The following HMGXB3 variants were observed in gnomAD, a reference collection of about 807,000 sequenced individuals.
HMGXB3 encodes HMG domain-containing protein 3.
HMGXB3 carries 45 observed loss-of-function variants against 121.5 expected under a neutral mutation model. That is an observed-to-expected ratio of 0.37 (90% CI 0.29 to 0.47). HMGXB3 has a LOEUF of 0.47. Among genes scored for constraint, HMGXB3 ranks in the 20% least tolerant of loss-of-function variants. HMGXB3 has a pLI of 0.99. For synonymous variants in HMGXB3, 590 were observed against 624.1 expected, an observed-to-expected ratio of 0.95 and a Z score of 0.81; for missense variants, 1,376 against 1,602.2, an observed-to-expected ratio of 0.86 and a Z score of 2.41.
chr5:150,047,458 C>A, intron 16 of HMGXB3, 166 bp from the exon 17 acceptor site: 1 of 725,762 alleles, frequency 1.4e-6, no homozygotes, highest in Non-Finnish European at 2.2e-6. Context: ...TAATAGACTT[C>A]AAATATCTGC....
intron 8 of HMGXB3, 58 bp downstream of exon 8, chr5:150,026,939 T>TG (rs1321781660): frequency 8.6e-6 from 13 of 1,519,654 alleles, no homozygotes; most frequent in Non-Finnish European, 9.7e-6. Flanking sequence ...GGGACAGGAG[T>TG]GGGGGGTTGA....
intron 1 of HMGXB3, among the ~76,000 whole-genome samples, chr5:150,003,837 C>G (rs1461102086): frequency 2.0e-5 from 3 of 151,496 alleles, no homozygotes; most frequent in Non-Finnish European, 4.4e-5. Flanking sequence ...CACCTGTAGT[C>G]CCAGCTACTC....
chr5:150,041,989 C>T lies in HMGXB3; in HGVS notation c.2730+20C>T, dbSNP rs745924096. 55 of 1,540,508 alleles carry T rather than the reference C, an allele frequency of 3.6e-5. 1 individual carries two copies. The East Asian group carries it at 4.7e-4, about 13-fold the overall frequency. ...GTGGAGGTAAGTGCCTCTTAGCCAC[C>T]GTGAGGGACCTGCGGAATTTTCTCA... On this transcript the variant is annotated intron_variant, in intron 15 of 19. Transcript: ENST00000502717.
At chr5:150,011,187 T>C (rs1240953024) in intron 4 of HMGXB3, among the ~76,000 whole-genome samples, 1 of 152,086 alleles carries the variant, frequency 6.6e-6, no homozygotes, top group Non-Finnish European at 1.5e-5. Context: ...TCAGATGGGG[T>C]AGGAAGAAAA....
chr5:150,045,700 T>A lies in HMGXB3; in HGVS notation c.2950+15T>A. ...GCCAGTACCTGGTAAGGCCACCTGG[T>A]GGCTGACTGGGGTCAAAAAAGGGCT... On this transcript the variant is annotated intron_variant, in intron 16 of 19. Transcript: ENST00000502717. 3.2e-6 allele frequency: 5 copies of A among 1,548,070 alleles called. No individual in the cohort carries two copies. The East Asian group carries it at 1.2e-4, about 38-fold the overall frequency.
chr5:150,018,071 A>G (rs1755999484), intron 5 of HMGXB3, among the ~76,000 whole-genome samples: 1 of 152,208 alleles, frequency 6.6e-6, no homozygotes, highest in African/African-American at 2.4e-5. Flanking sequence ...AATGAAGATG[A>G]AGCAAATTCT....
Position 150,010,520 on chromosome 5 carries a change from T to C in HMGXB3, c.722T>C (p.Val241Ala). Residue 241 changes from valine to alanine, a missense_variant, in exon 4 of 20, where the codon GTG (valine) becomes GCG (alanine). Val to Ala is a moderately conservative substitution (Grantham distance 64). Transcript: ENST00000502717. Reference sequence around the variant, plus strand: ...AGCCTGGTAATTGAAGAGACCTTGGTGAATGGCTCACCAGACCTCCCCACT... The same window carrying C: ...AGCCTGGTAATTGAAGAGACCTTGGCGAATGGCTCACCAGACCTCCCCACT... ...QTSLVIEETL[V>A]NGSPDLPTGS... is the part of the protein sequence containing the mutation. The C allele has an allele frequency of 1.3e-6, 2 of 1,551,630 alleles. No individual in the cohort carries two copies. Among genetic ancestry groups the C allele is most frequent in the Middle Eastern group, 1.7e-4 (1 of 5,992 alleles).
chr5:150,043,908 C>A (rs537669544), intron 15 of HMGXB3, among the ~76,000 whole-genome samples: 1 of 152,196 alleles, frequency 6.6e-6, no homozygotes, highest in Non-Finnish European at 1.5e-5. Context: ...GTACCTCCTA[C>A]GACTCTGAGT....
intron 15 of HMGXB3, among the ~76,000 whole-genome samples, chr5:150,042,492 C>T (rs1046125043): frequency 1.3e-5 from 2 of 151,922 alleles, no homozygotes; most frequent in African/African-American, 4.8e-5. Context: ...ACCCATGTGG[C>T]TTTGTGGAGG....
At position 150,018,586 on chromosome 5, in the gene HMGXB3, G is replaced by T; in HGVS notation, c.930G>T (p.Arg310=). ...TACAGACCACTACATATACCCGCCG[G>T]GGCCATGGGACATGCACCAGCCCAG... ...SIKLTTTYTR[R]GHGTCTSPGC... The change falls in exon 6 of 20, where the codon CGG becomes CGT. Residue 310 remains arginine (R), a synonymous_variant. Transcript: ENST00000502717. 6.5e-7 allele frequency: 1 copy of T among 1,548,900 alleles called. No homozygotes were observed. The highest frequency in any genetic ancestry group is 1.2e-5 in the South Asian group (1 of 83,248).
rs377377634 is a variant in HMGXB3, at chr5:150,045,456, G to T, written c.2731-10G>T. 9.0e-6 allele frequency: 14 copies of T among 1,550,164 alleles called. No homozygotes were observed. Among genetic ancestry groups the T allele is most frequent in the Non-Finnish European group, 1.2e-5 (14 of 1,145,462 alleles). ...CCCACAGTTTGACCTTCTTTATCCT[G>T]ACCTTCTAGTTCACCTGGCCTGAAT... On this transcript the variant is annotated splice_polypyrimidine_tract_variant and intron_variant, in intron 15 of 19. Coordinates refer to ENST00000502717, the MANE Select transcript of HMGXB3 (RefSeq NM_014983.3).
At chr5:150,002,817 C>T (rs897413161) in intron 1 of HMGXB3, among the ~76,000 whole-genome samples, 6 of 151,908 alleles carry the variant, frequency 3.9e-5, no homozygotes, top group Admixed American at 3.3e-4. Flanking sequence ...TGTGCTGTCT[C>T]TAGCTCCTAG....
chr5:150,032,512 ATGTC>A lies in HMGXB3; in HGVS notation c.1894_1897del (p.Val632ThrfsTer31), dbSNP rs1756403863. Reference sequence around the variant, plus strand: ...AAGTGCAAGAATCCCTCTTGTAGCTATGTCTACACCAACAGGCACAAACCTCGAA... The same window carrying A: ...AAGTGCAAGAATCCCTCTTGTAGCTATACACCAACAGGCACAAACCTCGAA... On this transcript the variant is annotated frameshift_variant, in exon 11 of 20. Coordinates refer to ENST00000502717, the MANE Select transcript of HMGXB3 (RefSeq NM_014983.3). LOFTEE classifies it high-confidence loss of function. 1 of 1,551,800 alleles carries A rather than the reference ATGTC, an allele frequency of 6.4e-7. No homozygotes were observed. The highest frequency in any genetic ancestry group is 8.7e-7 in the Non-Finnish European group (1 of 1,147,036).
intron 11 of HMGXB3, among the ~76,000 whole-genome samples, chr5:150,033,031 C>T (rs763555158): frequency 1.3e-5 from 2 of 152,176 alleles, no homozygotes; most frequent in Non-Finnish European, 2.9e-5. Context: ...CCTTGGAAAG[C>T]TTTTAGTTAA....
At chr5:150,004,775 G>T in intron 1 of HMGXB3, 76 bp from the exon 2 acceptor site, 1 of 975,838 alleles carries the variant, frequency 1.0e-6, no homozygotes, top group East Asian at 2.6e-5. Flanking sequence ...AGAGGTAAGG[G>T]GTTATTTGAT....
intron 5 of HMGXB3, among the ~76,000 whole-genome samples, chr5:150,016,289 T>C (rs1755957809): frequency 6.8e-6 from 1 of 146,584 alleles, no homozygotes; most frequent in South Asian, 2.2e-4. Context: ...TACAGTGAGC[T>C]GTGATCGTGC....
chr5:150,043,765 T>G (rs1487651161), intron 15 of HMGXB3, among the ~76,000 whole-genome samples: 1 of 152,234 alleles, frequency 6.6e-6, no homozygotes, highest in Non-Finnish European at 1.5e-5. Flanking sequence ...GAGGTTTTTA[T>G]AGACATAGGC....
rs528243204 is a variant in HMGXB3 at position 150,052,047 on chromosome 5, A to G, written c.3734A>G (p.Asn1245Ser). 90 of 1,551,884 alleles carry G rather than the reference A, an allele frequency of 5.8e-5. No individual in the cohort carries two copies. The highest frequency in any genetic ancestry group is 7.3e-5 in the East Asian group (3 of 40,940). The change falls in exon 20 of 20, where the codon AAT becomes AGT. Residue 1245 changes from asparagine (N) to serine (S), a missense_variant. Around this residue, in one of 2 missense-constraint regions of HMGXB3, gnomAD observed 260 missense variants for 233.2 expected, o/e 1.11. Transcript: ENST00000502717. ...MDFLTSREIV[N>S]RQIHDIVQSC... ...TTCCTCACCAGCCGCGAAATTGTCA[A>G]TCGTCAGATCCATGACATTGTACAG...
intron 6 of HMGXB3, among the ~76,000 whole-genome samples, chr5:150,022,384 G>A (rs546755062): frequency 1.2e-4 from 18 of 152,326 alleles, no homozygotes; most frequent in Admixed American, 1.0e-3. Flanking sequence ...TAAAACAAAA[G>A]ATAGTATATA....
Sources: allele counts gnomAD v4.1 joint callset (sites outside exome capture counted in the v4.1 genomes callset), GRCh38; gene constraint gnomAD v4.1.1; regional missense constraint gnomAD v4.1.1; transcripts MANE v1.5; gene names NCBI Gene and HGNC (gene_info 2026-07-23, HGNC 2026-07-21).